The following ELOVL5 variants were observed in gnomAD, a reference collection of about 807,000 sequenced individuals.
ELOVL5 encodes the protein ELOVL fatty acid elongase 5.
Under a neutral mutation model 38.6 loss-of-function variants are expected in ELOVL5, and 8 were observed. The ratio of observed to expected loss-of-function variants is 0.21; its 90% confidence interval spans 0.12 to 0.37. The LOEUF is 0.37. Among genes scored for constraint, ELOVL5 ranks in the 10% least tolerant of loss-of-function variants. ELOVL5 has a pLI of 1.00. For missense variants in ELOVL5, 280 were observed against 367.8 expected, an observed-to-expected ratio of 0.76 and a Z score of 1.95; for synonymous variants, 127 against 133.7, an observed-to-expected ratio of 0.95 and a Z score of 0.34.
intron 1 of ELOVL5, among the ~76,000 whole-genome samples, chr6:53,317,348 T>C (rs537380575): frequency 1.3e-5 from 2 of 152,332 alleles, no homozygotes; most frequent in East Asian, 1.9e-4. Context: ...TGCACACGTA[T>C]GTTTATTGTG....
chr6:53,302,447 G>A (rs959227385), intron 1 of ELOVL5, among the ~76,000 whole-genome samples: 1 of 152,192 alleles, frequency 6.6e-6, no homozygotes, highest in Non-Finnish European at 1.5e-5. Flanking sequence ...AACGGAAGGA[G>A]GTGGTTGGGG....
chr6:53,321,810 G>C (rs7738788), intron 1 of ELOVL5, among the ~76,000 whole-genome samples: 55,293 of 152,038 alleles, frequency 0.36, 11,166 homozygotes, highest in African/African-American at 0.55. Flanking sequence ...TTTGTGTAAA[G>C]AGCCATTTCG....
At chr6:53,294,369 G>T in intron 2 of ELOVL5, 1 of 1,567,182 alleles carries the variant, frequency 6.4e-7, no homozygotes, top group Non-Finnish European at 8.6e-7. Context: ...ACTTCTTTAT[G>T]CTTAAAACCA....
chr6:53,323,145 G>C (rs911320462), intron 1 of ELOVL5, among the ~76,000 whole-genome samples: 1 of 152,128 alleles, frequency 6.6e-6, no homozygotes, highest in Admixed American at 6.5e-5. Flanking sequence ...ATCATATTAA[G>C]ATTAAATTTA....
intron 4 of ELOVL5, among the ~76,000 whole-genome samples, chr6:53,275,823 G>A (rs1329928439): frequency 6.6e-6 from 1 of 152,190 alleles, no homozygotes; most frequent in Non-Finnish European, 1.5e-5. Flanking sequence ...GTGGAAGTCA[G>A]ATTTTATTTT....
At chr6:53,287,931 C>T in intron 3 of ELOVL5, 1 of 1,535,678 alleles carries the variant, frequency 6.5e-7, no homozygotes, top group Non-Finnish European at 8.7e-7. Flanking sequence ...GACGGGGTTG[C>T]TCCCTTTTGG....
intron 1 of ELOVL5, among the ~76,000 whole-genome samples, chr6:53,314,981 T>A (rs9382194): frequency 0.36 from 55,297 of 152,128 alleles, 11,168 homozygotes; most frequent in African/African-American, 0.55. Context: ...TTTTTTCACA[T>A]ACATGAACAA....
chr6:53,338,113 T>C (rs1338966463), intron 1 of ELOVL5, among the ~76,000 whole-genome samples: 4 of 152,172 alleles, frequency 2.6e-5, no homozygotes. Context: ...GGTGGGTGGA[T>C]GGATATTTGA....
chr6:53,271,367 T>C (rs1381975030), intron 6 of ELOVL5, among the ~76,000 whole-genome samples: 2 of 152,108 alleles, frequency 1.3e-5, no homozygotes, highest in Non-Finnish European at 2.9e-5. Context: ...CTGGCCAAAA[T>C]GGTGAAACCC....
intron 1 of ELOVL5, among the ~76,000 whole-genome samples, chr6:53,332,899 T>C (rs1368608279): frequency 2.0e-5 from 3 of 152,200 alleles, no homozygotes; most frequent in Non-Finnish European, 4.4e-5. Flanking sequence ...CTTGGGCCAC[T>C]ATGTGCCCCC....
At chr6:53,319,448 T>C (rs1706168807) in intron 1 of ELOVL5, among the ~76,000 whole-genome samples, 1 of 152,074 alleles carries the variant, frequency 6.6e-6, no homozygotes, top group African/African-American at 2.4e-5. Context: ...CAATAAAAAA[T>C]TAGAAACTCT....
intron 1 of ELOVL5, among the ~76,000 whole-genome samples, chr6:53,321,266 C>G (rs1033632105): frequency 2.6e-5 from 4 of 152,212 alleles, no homozygotes; most frequent in Non-Finnish European, 5.9e-5. Context: ...ATCCCACAAG[C>G]AGGGTCAGTC....
At chr6:53,309,614 G>A (rs1414057756) in intron 1 of ELOVL5, among the ~76,000 whole-genome samples, 6 of 152,198 alleles carry the variant, frequency 3.9e-5, no homozygotes, top group Non-Finnish European at 7.3e-5. Context: ...CCAGGGTTGT[G>A]TGTGTGACCA....
intron 3 of ELOVL5, among the ~76,000 whole-genome samples, chr6:53,282,324 T>C (rs1766392849): frequency 1.3e-5 from 2 of 152,248 alleles, no homozygotes; most frequent in South Asian, 4.1e-4. Flanking sequence ...TAGAGTGATG[T>C]GCTCCTAGCT....
chr6:53,295,751 GTTT>G lies in ELOVL5; in HGVS notation c.-8-47_-8-45del, dbSNP rs752887455. ...ATACTGATTAATCTCTACTCAAAAT[GTTT>G]TTTATACAGTATTTTTTCATAAAAG... is the stretch of plus-strand genomic sequence containing the variant. On this transcript the variant is annotated intron_variant, in intron 1 of 7. Transcript: ENST00000304434. 3 of 1,216,300 alleles carry G rather than the reference GTTT, an allele frequency of 2.5e-6. No homozygotes were observed. The African/African-American group carries it at 4.7e-5, about 19-fold the overall frequency. 75.3% of individuals were successfully genotyped at this position (1,216,300 alleles called of 1,614,324 possible).
rs116587235 is a variant in ELOVL5, at chr6:53,296,240, A to G, written c.-8-533T>C. Among the ~76,000 whole-genome samples the G allele has an allele frequency of 4.4e-3, 665 of 152,300 alleles. 8 individuals are homozygous for G. Among genetic ancestry groups the G allele is most frequent in the African/African-American group, 0.015 (642 of 41,560 alleles). On this transcript the variant is annotated intron_variant, in intron 1 of 7. Coordinates refer to ENST00000304434, the MANE Select transcript of ELOVL5 (RefSeq NM_021814.5). ...AAAAAAAAGGGGCAAAAATCTCATT[A>G]CTTCCCTCAACCTCAATCCCCAAGC...
chr6:53,309,488 A>G (rs1390866340), intron 1 of ELOVL5, among the ~76,000 whole-genome samples: 1 of 152,154 alleles, frequency 6.6e-6, no homozygotes, highest in African/African-American at 2.4e-5. Flanking sequence ...AGACTACAGG[A>G]CCTCAAGCTT....
At chr6:53,332,423 T>G (rs1431944974) in intron 1 of ELOVL5, among the ~76,000 whole-genome samples, 2 of 152,124 alleles carry the variant, frequency 1.3e-5, no homozygotes, top group African/African-American at 4.8e-5. Context: ...AAACTAAAAT[T>G]TAAAATCATA....
intron 1 of ELOVL5, among the ~76,000 whole-genome samples, chr6:53,335,788 C>G (rs1581995831): frequency 6.6e-6 from 1 of 152,164 alleles, no homozygotes; most frequent in Admixed American, 6.5e-5. Context: ...GGGTGATGTT[C>G]TAGCCAATGA....
Sources: gnomAD v4.1 joint callset for allele counts (sites outside exome capture counted in the v4.1 genomes callset) on GRCh38, gnomAD v4.1.1 for gene constraint, MANE v1.5 for transcripts, NCBI Gene and HGNC (gene_info 2026-07-23, HGNC 2026-07-21) for gene names.